The following PRPSAP1 variants were observed in gnomAD, a reference collection of about 807,000 sequenced individuals.
PRPSAP1 encodes the protein phosphoribosyl pyrophosphate synthetase associated protein 1.
A neutral mutation model predicts 39.4 loss-of-function variants in PRPSAP1; 31 were observed. The observed-to-expected ratio is 0.79, with a 90% confidence interval of 0.59 to 1.06. The LOEUF (loss-of-function observed/expected upper bound fraction) is 1.06, where lower values mean the gene tolerates loss of function less well. PRPSAP1 is among the 50% of genes least tolerant of loss of function. The probability of loss-of-function intolerance (pLI) is 0.00; values close to 1 mark genes in which losing one functional copy is unlikely to be tolerated. For synonymous variants in PRPSAP1, 212 were observed against 192.6 expected (o/e 1.10, Z -0.83); for missense variants, 430 against 511.6 (o/e 0.84, Z 1.54).
chr17:76,328,269 G>T (rs991509167), intron 7 of PRPSAP1, among the ~76,000 whole-genome samples: 1 of 151,470 alleles, frequency 6.6e-6, no homozygotes, highest in East Asian at 1.9e-4. Context: ...CTACATAGTC[G>T]ATAACTCCTA....
chr17:76,337,011 G>T (rs1350964226), intron 3 of PRPSAP1, among the ~76,000 whole-genome samples: 2 of 152,164 alleles, frequency 1.3e-5, no homozygotes, highest in Non-Finnish European at 2.9e-5. Context: ...TAAGAATGTT[G>T]CAAGTACACC....
At chr17:76,350,630 G>A (rs2071558285) in intron 1 of PRPSAP1, among the ~76,000 whole-genome samples, 2 of 152,142 alleles carry the variant, frequency 1.3e-5, no homozygotes, top group Middle Eastern at 3.2e-3. Context: ...TATTTAATGG[G>A]TACAGAGTTT....
chr17:76,330,352 G>A (rs533873204), intron 5 of PRPSAP1, 199 bp downstream of exon 5: 31 of 597,818 alleles, frequency 5.2e-5, no homozygotes, highest in Middle Eastern at 8.9e-4. Context: ...CTAAAGATAC[G>A]TAGAAAAAAA....
intron 3 of PRPSAP1, among the ~76,000 whole-genome samples, chr17:76,339,367 TG>T: frequency 6.6e-6 from 1 of 151,890 alleles, no homozygotes; most frequent in South Asian, 2.1e-4. Context: ...ATCACGCCAC[TG>T]CACTCCAGCC....
intron 7 of PRPSAP1, among the ~76,000 whole-genome samples, chr17:76,322,476 C>T (rs943647978): frequency 5.3e-5 from 8 of 152,096 alleles, no homozygotes; most frequent in Middle Eastern, 3.2e-3. Context: ...TTTTCATGCC[C>T]GCTAATACAA....
At chr17:76,324,520 A>G (rs671374) in intron 7 of PRPSAP1, among the ~76,000 whole-genome samples, 44,930 of 151,200 alleles carry the variant, frequency 0.3, 7,618 homozygotes, top group African/African-American at 0.46. Context: ...AGAATCACTT[A>G]AATCCAGGAG....
chr17:76,313,462 C>G (rs556424896), intron 8 of PRPSAP1: 1 of 281,874 alleles, frequency 3.5e-6, no homozygotes, highest in African/African-American at 2.2e-5. Flanking sequence ...CGAGTCTGCA[C>G]GGGGACACCC....
intron 3 of PRPSAP1, among the ~76,000 whole-genome samples, chr17:76,335,570 G>C (rs1179271312): frequency 1.3e-5 from 2 of 151,868 alleles, no homozygotes; most frequent in Non-Finnish European, 2.9e-5. Context: ...TGGCCAGGCT[G>C]GTCTTAACTC....
At chr17:76,330,363 A>G (rs1206180505) in intron 5 of PRPSAP1, 188 bp downstream of exon 5, 10 of 604,152 alleles carry the variant, frequency 1.7e-5, no homozygotes, top group African/African-American at 1.9e-5. Flanking sequence ...TAGAAAAAAA[A>G]TCTGTTTTTA....
At chr17:76,319,087 G>GCC (rs2071157648) in intron 7 of PRPSAP1, among the ~76,000 whole-genome samples, 2 of 151,812 alleles carry the variant, frequency 1.3e-5, no homozygotes, top group South Asian at 2.1e-4. Context: ...TTACAGATGT[G>GCC]TGCCACCAGG....
intron 1 of PRPSAP1, among the ~76,000 whole-genome samples, chr17:76,351,840 A>C (rs7211309): frequency 7.9e-5 from 12 of 152,234 alleles, no homozygotes; most frequent in Admixed American, 1.3e-4. Context: ...AAAAACCCTC[A>C]CTGACTTTTA....
intron 7 of PRPSAP1, among the ~76,000 whole-genome samples, chr17:76,315,537 A>T (rs946665752): frequency 2.6e-5 from 4 of 151,932 alleles, no homozygotes; most frequent in African/African-American, 9.7e-5. Flanking sequence ...CATCCTAGAA[A>T]CAAAGACAAC....
At chr17:76,313,160 C>G in intron 8 of PRPSAP1, 144 bp from the exon 9 acceptor site, 1 of 1,099,400 alleles carries the variant, frequency 9.1e-7, no homozygotes, top group Non-Finnish European at 1.2e-6. Flanking sequence ...GGTCAAAGAA[C>G]GAGCATCCAG....
At chr17:76,319,765 AAAAAT>A (rs1399222918) in intron 7 of PRPSAP1, among the ~76,000 whole-genome samples, 2 of 151,938 alleles carry the variant, frequency 1.3e-5, no homozygotes, top group Non-Finnish European at 2.9e-5. Flanking sequence ...ACTGATTTTT[AAAAAT>A]AAATAAATAC....
chr17:76,311,344 C>A lies in PRPSAP1; in HGVS notation c.*198G>T. ...GGCTGATGACAGCAGACATGTAAGG[C>A]CATGTTATGATATTTATCCATTAGC... is the stretch of plus-strand genomic sequence containing the variant. On this transcript the variant is annotated 3_prime_UTR_variant, in exon 10 of 10. Coordinates refer to ENST00000446526, the MANE Select transcript of PRPSAP1 (RefSeq NM_002766.3). 2 of 533,020 alleles carry A rather than the reference C, an allele frequency of 3.8e-6. No homozygotes were observed. The highest frequency in any genetic ancestry group is 3.3e-5 in the East Asian group (1 of 30,514). The allele number at this position is 533,020 out of a possible 1,614,324, so 33.0% of individuals were successfully genotyped here.
At chr17:76,339,082 T>C (rs1359761204) in intron 3 of PRPSAP1, among the ~76,000 whole-genome samples, 3 of 151,636 alleles carry the variant, frequency 2.0e-5, no homozygotes, top group Admixed American at 6.6e-5. Context: ...TAGTTGGTAC[T>C]AAAGTATCCA....
intron 3 of PRPSAP1, among the ~76,000 whole-genome samples, chr17:76,343,896 G>A (rs1013598482): frequency 2.6e-5 from 4 of 152,176 alleles, no homozygotes; most frequent in Non-Finnish European, 5.9e-5. Flanking sequence ...AGGAATTCCA[G>A]AAGACAGTAA....
chr17:76,330,698 C>A (rs974062387), intron 4 of PRPSAP1, 32 bp from the exon 5 acceptor site: 1 of 1,454,864 alleles, frequency 6.9e-7, no homozygotes. Flanking sequence ...TTACAAAGTT[C>A]ACCCCTACAG....
intron 3 of PRPSAP1, among the ~76,000 whole-genome samples, chr17:76,344,137 T>G (rs1032509867): frequency 2.7e-5 from 4 of 149,968 alleles, no homozygotes; most frequent in Admixed American, 6.7e-5. Flanking sequence ...ATTTATTTTG[T>G]TTTTTTTTGA....
Sources: allele counts gnomAD v4.1 joint callset (sites outside exome capture counted in the v4.1 genomes callset), GRCh38; gene constraint gnomAD v4.1.1; transcripts MANE v1.5; gene names NCBI Gene and HGNC (gene_info 2026-07-23, HGNC 2026-07-21).